The following NYAP2 variants were observed in gnomAD, a reference collection of about 807,000 sequenced individuals.
NYAP2 encodes neuronal tyrosine-phosphorylated phosphoinositide-3-kinase adaptor 2, also known as neuronal tyrosine-phosphorylated phosphoinositide-3-kinase adapter 2.
NYAP2 carries 23 observed loss-of-function variants against 50.4 expected under a neutral mutation model. The observed-to-expected ratio is 0.46, with a 90% CI of 0.33 to 0.65. The LOEUF (loss-of-function observed/expected upper bound fraction) is 0.65, where lower values mean the gene tolerates loss of function less well. Among genes scored for constraint, NYAP2 ranks in the 30% least tolerant of loss-of-function variants. NYAP2 has a pLI of 0.02. For synonymous variants in NYAP2, 394 were observed against 365.2 expected (o/e 1.08, Z -0.90); for missense variants, 885 against 861.0 (o/e 1.03, Z -0.35).
chr2:225,565,117 C>A (rs1172968256), intron 4 of NYAP2, among the ~76,000 whole-genome samples: 1 of 149,036 alleles, frequency 6.7e-6, no homozygotes, highest in Non-Finnish European at 1.5e-5. Flanking sequence ...AGCGACAGAG[C>A]AACACTCCGT....
intron 3 of NYAP2, among the ~76,000 whole-genome samples, chr2:225,451,265 C>T (rs968984146): frequency 7.9e-5 from 12 of 152,122 alleles, no homozygotes; most frequent in Admixed American, 7.9e-4. Flanking sequence ...TTGAAACTTT[C>T]TTCACCATCT....
At position 225,573,553 on chromosome 2, in the gene NYAP2, A is replaced by G. The variant is rs1324015741; in HGVS notation, c.524-8388A>G. Among the ~76,000 whole-genome samples the G allele has an allele frequency of 2.0e-5, 3 of 151,502 alleles. No individual in the cohort carries two copies. In the East Asian group the frequency reaches 5.8e-4, roughly 29 times the overall value. Reference sequence around the variant, plus strand: ...GTGTGAGCCACCACGCCTGGCCCCAAAATTTTATTATTTCTTGTTGTTCTG... The same window carrying G: ...GTGTGAGCCACCACGCCTGGCCCCAGAATTTTATTATTTCTTGTTGTTCTG... On this transcript the variant is annotated intron_variant, in intron 4 of 6. Transcript: ENST00000636099.
In NYAP2 at chr2:225,457,034, C is replaced by T. The variant is rs998909862; in HGVS notation, c.221+47933C>T. ...CATGAGGTTAGAAAGGGAGCTGGAACTTAAAATGGCGGTATTTGTCCAAGA... is the reference window on the plus strand; with the variant it reads ...CATGAGGTTAGAAAGGGAGCTGGAATTTAAAATGGCGGTATTTGTCCAAGA... On this transcript the variant is annotated intron_variant, in intron 3 of 6. Coordinates refer to ENST00000636099, the Ensembl canonical transcript of NYAP2. Among the ~76,000 whole-genome samples the T allele has an allele frequency of 5.9e-5, 9 of 152,330 alleles. No homozygotes were observed. The South Asian group carries it at 1.9e-3, about 32-fold the overall frequency.
At chr2:225,552,523 T>C (rs542112281) in intron 4 of NYAP2, among the ~76,000 whole-genome samples, 9 of 152,224 alleles carry the variant, frequency 5.9e-5, no homozygotes, top group Admixed American at 5.2e-4. Context: ...TAAATCAGAT[T>C]GGTGCTTTTA....
chr2:225,582,838 A>G lies in NYAP2; in HGVS notation c.1421A>G (p.His474Arg), dbSNP rs745449398. 1.2e-6 allele frequency: 2 copies of G among 1,613,654 alleles called. No homozygotes were observed. The change falls in exon 5 of 7, where the codon CAC becomes CGC. Residue 474 changes from histidine (H) to arginine (R), a missense_variant. Physicochemically the swap from His to Arg is conservative, Grantham distance 29 (BLOSUM62 0). Transcript: ENST00000636099. This position sits in a 1 kb window ranked among gnomAD's most constrained non-coding sequence, Gnocchi z 7.0. ...TCAAGGAGCTCTCCTTCAGTGCCTC[A>G]CTCGACCCCCAGACCCGTGTCGCAA... is the stretch of plus-strand genomic sequence containing the variant.
chr2:225,690,571 C>T, the NYAP2 span, among the ~76,000 whole-genome samples: 1 of 152,038 alleles, frequency 6.6e-6, no homozygotes, highest in Non-Finnish European at 1.5e-5. Flanking sequence ...ACTAAGTAAC[C>T]TCTGCAGGGT....
intron 4 of NYAP2, among the ~76,000 whole-genome samples, chr2:225,576,503 A>G (rs943302735): frequency 6.6e-5 from 10 of 152,238 alleles, no homozygotes; most frequent in African/African-American, 2.4e-4. Flanking sequence ...TGAGTTGTGA[A>G]AAGAGTTATT....
At chr2:225,694,658 T>C in the NYAP2 span, among the ~76,000 whole-genome samples, 1 of 151,888 alleles carries the variant, frequency 6.6e-6, no homozygotes, top group African/African-American at 2.4e-5. Context: ...TATCACATCT[T>C]AACAGAAATA....
At chr2:225,458,671 G>A (rs926445740) in intron 3 of NYAP2, among the ~76,000 whole-genome samples, 7 of 152,194 alleles carry the variant, frequency 4.6e-5, no homozygotes, top group Non-Finnish European at 8.8e-5. Context: ...TTACATGTCT[G>A]TGTGAAGATT....
intron 4 of NYAP2, among the ~76,000 whole-genome samples, chr2:225,577,083 A>G (rs1241767311): frequency 6.6e-6 from 1 of 152,120 alleles, no homozygotes; most frequent in East Asian, 1.9e-4. Flanking sequence ...CACGAGGTGA[A>G]TTTCCAAAAT....
In NYAP2 at chr2:225,434,956, A is replaced by T. The variant is rs114909692; in HGVS notation, c.221+25855A>T. Among the ~76,000 whole-genome samples, 1,205 of 152,348 alleles carry T rather than the reference A, an allele frequency of 7.9e-3. 13 individuals are homozygous for T. The highest frequency in any genetic ancestry group is 0.027 in the African/African-American group (1,130 of 41,578). On this transcript the variant is annotated intron_variant, in intron 3 of 6. Coordinates refer to ENST00000636099, the Ensembl canonical transcript of NYAP2. ...AATCCTTTATTAAGAAGAACATTAT[A>T]GTTCTTGAAAGCTATTGTGCAACTA...
At chr2:225,664,136 G>A in the NYAP2 span, among the ~76,000 whole-genome samples, 2 of 152,116 alleles carry the variant, frequency 1.3e-5, no homozygotes, top group Non-Finnish European at 2.9e-5. Flanking sequence ...GGAAAGTCAA[G>A]TTAAGTAAAT....
At chr2:225,504,252 C>G (rs1690663102) in intron 3 of NYAP2, among the ~76,000 whole-genome samples, 1 of 152,152 alleles carries the variant, frequency 6.6e-6, no homozygotes, top group East Asian at 1.9e-4. Flanking sequence ...TCATTGATGG[C>G]TGTTTTCTCT....
the NYAP2 span, among the ~76,000 whole-genome samples, chr2:225,676,341 C>T: frequency 4.6e-5 from 7 of 151,900 alleles, no homozygotes; most frequent in South Asian, 2.1e-4. Flanking sequence ...GTGAGAGGTA[C>T]GGGTCTAGTT....
chr2:225,476,285 C>A (rs1690104781), intron 3 of NYAP2, among the ~76,000 whole-genome samples: 2 of 152,000 alleles, frequency 1.3e-5, no homozygotes, highest in South Asian at 4.1e-4. Flanking sequence ...TAGTGATGGG[C>A]GCCTGTAGTC....
chr2:225,469,220 T>G (rs1051747148), intron 3 of NYAP2, among the ~76,000 whole-genome samples: 2 of 152,144 alleles, frequency 1.3e-5, no homozygotes, highest in Non-Finnish European at 2.9e-5. Flanking sequence ...GATAGACACT[T>G]CTCAAAATAA....
At chr2:225,548,442 C>T (rs902760002) in intron 4 of NYAP2, among the ~76,000 whole-genome samples, 1 of 151,310 alleles carries the variant, frequency 6.6e-6, no homozygotes, top group East Asian at 1.9e-4. Flanking sequence ...TAAGTATTTA[C>T]AATAAAAATG....
intron 4 of NYAP2, among the ~76,000 whole-genome samples, chr2:225,577,639 A>T (rs1203270452): frequency 6.6e-6 from 1 of 152,156 alleles, no homozygotes; most frequent in Non-Finnish European, 1.5e-5. Flanking sequence ...GCACTAAGGT[A>T]AGACCAGATG....
chr2:225,452,988 C>T (rs1689678423), intron 3 of NYAP2, among the ~76,000 whole-genome samples: 1 of 152,122 alleles, frequency 6.6e-6, no homozygotes, highest in African/African-American at 2.4e-5. Flanking sequence ...AGGATACCTT[C>T]GCATCCAGTC....
Sources: gnomAD v4.1 joint callset for allele counts (sites outside exome capture counted in the v4.1 genomes callset) on GRCh38, gnomAD v4.1.1 for gene constraint, Gnocchi (gnomAD v3.1) non-coding constraint, MANE v1.5 for transcripts, NCBI Gene and HGNC (gene_info 2026-07-23, HGNC 2026-07-21) for gene names.